Variants in MTERF4 observed in about 807,000 individuals in gnomAD.
The protein encoded by MTERF4 is transcription termination factor 4, mitochondrial.
MTERF4 carries 17 observed loss-of-function variants against 22.5 expected under a neutral mutation model. The observed-to-expected ratio is 0.75, with a 90% CI of 0.52 to 1.13. MTERF4 has a LOEUF of 1.13. Ranked by LOEUF, MTERF4 falls within the 50% of genes most tolerant of loss-of-function variation. The probability of loss-of-function intolerance (pLI) is 0.00; values close to 1 mark genes in which losing one functional copy is unlikely to be tolerated. For missense variants in MTERF4, 420 were observed against 466.8 expected (o/e 0.90, Z 0.92); for synonymous variants, 165 against 175.3 (o/e 0.94, Z 0.47).
At chr2:241,059,502 G>T in the MTERF4 span, among the ~76,000 whole-genome samples, 7 of 152,102 alleles carry the variant, frequency 4.6e-5, no homozygotes, top group Admixed American at 1.3e-4. Context: ...TTACAGACTG[G>T]TATCTCTCAA....
the MTERF4 span, among the ~76,000 whole-genome samples, chr2:241,065,975 G>A: frequency 3.9e-5 from 6 of 152,152 alleles, no homozygotes; most frequent in African/African-American, 1.4e-4. Flanking sequence ...GGACTCTGGG[G>A]TGCTCTGAAG....
chr2:241,090,072 C>T, downstream of MTERF4: 1 of 1,517,682 alleles, frequency 6.6e-7, no homozygotes. Context: ...CCTTAGCTTA[C>T]TGTAACTTTT....
At chr2:241,070,879 G>A (rs1160332035), downstream of MTERF4, among the ~76,000 whole-genome samples, 3 of 152,218 alleles carry the variant, frequency 2.0e-5, no homozygotes, top group Non-Finnish European at 4.4e-5. Context: ...GCAGAGCAGT[G>A]CGCGGCTCCC....
chr2:241,065,342 G>C, the MTERF4 span: 3 of 1,613,020 alleles, frequency 1.9e-6, no homozygotes, highest in Non-Finnish European at 2.5e-6. Flanking sequence ...GAGTGGAGGA[G>C]AGTGGGGTCT....
chr2:241,045,250 A>G, the MTERF4 span, among the ~76,000 whole-genome samples: 1 of 152,390 alleles, frequency 6.6e-6, no homozygotes, highest in African/African-American at 2.4e-5. Flanking sequence ...TATAGATTTA[A>G]CATGATTCCA....
rs376192540 is a variant in MTERF4 at position 241,095,977 on chromosome 2, G to A, written c.*21C>T. 64 of 1,610,382 alleles carry A rather than the reference G, an allele frequency of 4.0e-5. No homozygotes were observed. Among genetic ancestry groups the A allele is most frequent in the East Asian group, 3.3e-4 (15 of 44,840 alleles). On this transcript the variant is annotated 3_prime_UTR_variant, in exon 4 of 4. Transcript: ENST00000391980. ...TTCCTTGATATCTCTGGGCCCTTTC[G>A]CTCTAGTCCTTCCATCACAGCTATT...
At chr2:241,043,456 A>G in the MTERF4 span, among the ~76,000 whole-genome samples, 1 of 152,208 alleles carries the variant, frequency 6.6e-6, no homozygotes, top group Non-Finnish European at 1.5e-5. Context: ...TTTTTACACA[A>G]ACAAAAATGA....
Position 241,073,921 on chromosome 2 carries a change from TAA to T in MTERF4, n.2239_2240del, listed in dbSNP as rs1392160154. On this transcript the variant is annotated non_coding_transcript_exon_variant, in exon 5 of 5. Coordinates refer to the MTERF4 transcript ENST00000464344. The surrounding 1 kb of genome is among the most constrained non-coding windows in gnomAD (Gnocchi z 6.6). Reference sequence around the variant, plus strand: ...CCAAGCATCTGCTGAGCACCTGCAGTAAGAGTTCCCAGACGCTCACGAGGCAG... The same window carrying T: ...CCAAGCATCTGCTGAGCACCTGCAGTGAGTTCCCAGACGCTCACGAGGCAG... The T allele has an allele frequency of 6.2e-6, 1 of 160,360 alleles. No individual in the cohort carries two copies. Among genetic ancestry groups the T allele is most frequent in the Non-Finnish European group, 1.4e-5 (1 of 73,686 alleles). 9.9% of individuals were successfully genotyped at this position (160,360 alleles called of 1,614,324 possible). A position where few individuals can be genotyped will look rare whatever the true frequency, so the allele number is the denominator to read the frequency against.
intron 2 of MTERF4, 39 bp downstream of exon 2, chr2:241,099,357 G>A: frequency 1.3e-6 from 2 of 1,583,470 alleles, no homozygotes; most frequent in African/African-American, 1.3e-5. Context: ...TTACAGGCAT[G>A]AGCCACCGCA....
At chr2:241,057,987 C>A in the MTERF4 span, among the ~76,000 whole-genome samples, 1 of 152,014 alleles carries the variant, frequency 6.6e-6, no homozygotes, top group East Asian at 1.9e-4. Context: ...AGAAAAAATA[C>A]AAATATGAAT....
downstream of MTERF4, chr2:241,071,797 T>C (rs2125243723): frequency 6.5e-7 from 1 of 1,533,324 alleles, no homozygotes; most frequent in East Asian, 2.5e-5. Flanking sequence ...TCTCTGCAGG[T>C]TCTCGGAGCT....
downstream of MTERF4, chr2:241,088,985 C>T (rs1460760007): frequency 3.6e-6 from 1 of 275,204 alleles, no homozygotes; most frequent in Non-Finnish European, 6.8e-6. Flanking sequence ...ATTCATAAAT[C>T]CTGACGTGAA....
intron 2 of MTERF4, among the ~76,000 whole-genome samples, chr2:241,097,965 C>T (rs1360605811): frequency 6.6e-6 from 1 of 152,160 alleles, no homozygotes; most frequent in African/African-American, 2.4e-5. Flanking sequence ...ATGCTGACGT[C>T]CTGGTTACCA....
chr2:241,043,751 T>C, the MTERF4 span, among the ~76,000 whole-genome samples: 1 of 152,362 alleles, frequency 6.6e-6, no homozygotes, highest in African/African-American at 2.4e-5. Flanking sequence ...ACTTTTGGCT[T>C]TGTGAGCCAT....
downstream of MTERF4, chr2:241,069,790 A>T: frequency 9.3e-7 from 1 of 1,079,050 alleles, no homozygotes. The surrounding 1 kb of genome is among the most constrained non-coding windows in gnomAD (Gnocchi z 4.9). Flanking sequence ...TCGGCACTGT[A>T]CCATTCTCCA....
At chr2:241,044,288 A>G in the MTERF4 span, among the ~76,000 whole-genome samples, 2 of 152,222 alleles carry the variant, frequency 1.3e-5, no homozygotes, top group Non-Finnish European at 2.9e-5. Context: ...GCAATACCCA[A>G]CTATATGCTG....
chr2:241,086,256 C>T (rs984819491), downstream of MTERF4, among the ~76,000 whole-genome samples: 1 of 152,206 alleles, frequency 6.6e-6, no homozygotes, highest in African/African-American at 2.4e-5. Flanking sequence ...TTCTTCTTTG[C>T]CTTGTGGGGA....
At chr2:241,072,917 A>G (rs2062806689) in exon 5 of MTERF4, 2 of 324,684 alleles carry the variant, frequency 6.2e-6, no homozygotes. Flanking sequence ...TCCAAGAAGC[A>G]GGGGTGGAAG....
At chr2:241,049,171 G>A in the MTERF4 span, 2 of 1,535,864 alleles carry the variant, frequency 1.3e-6, no homozygotes, top group Non-Finnish European at 1.8e-6. Flanking sequence ...TGGGCCGGGG[G>A]CCCGGACAGA....
Sources: allele counts gnomAD v4.1 joint callset (sites outside exome capture counted in the v4.1 genomes callset), GRCh38; gene constraint gnomAD v4.1.1; non-coding constraint Gnocchi (gnomAD v3.1); transcripts MANE v1.5; gene names NCBI Gene and HGNC (gene_info 2026-07-23, HGNC 2026-07-21).